The following NOTCH3 variants were observed in gnomAD, a reference collection of about 807,000 sequenced individuals.
NOTCH3 encodes neurogenic locus notch homolog protein 3.
In NOTCH3, 86 loss-of-function variants were observed where a neutral mutation model predicts 213.3. The observed-to-expected ratio is 0.40, with a 90% confidence interval of 0.34 to 0.48. The LOEUF is 0.48. NOTCH3 is among the 20% of genes least tolerant of loss of function. NOTCH3 has a pLI of 0.57. For missense variants in NOTCH3, 2,783 were observed against 3,272.6 expected (o/e 0.85, Z 3.65); for synonymous variants, 1,354 against 1,355.9 (o/e 1.00, Z 0.03).
intron 25 of NOTCH3, among the ~76,000 whole-genome samples, chr19:15,173,751 AAGGAGAAGGAGAAGGAGAAGG>A (rs1568351765): frequency 0.12 from 18,284 of 146,716 alleles, 2,239 homozygotes; most frequent in African/African-American, 0.27. Context: ...AGAAAAGAAG[AAGGAGAAGGAGAAGGAGAAGG>A]AGAAGGAGAA....
At position 15,180,396 on chromosome 19, in the gene NOTCH3, C is replaced by A. The variant is rs2046829542; in HGVS notation, c.3143-140G>T. On this transcript the variant is annotated intron_variant, in intron 19 of 32. Transcript: ENST00000263388. ...CACTCCATCAGGTTGTCACACATCC[C>A]CCCAGCAGGCAAGGTCTCATCACTG... is the stretch of plus-strand genomic sequence containing the variant. 4 of 988,566 alleles carry A rather than the reference C, an allele frequency of 4.0e-6. No individual in the cohort carries two copies. The Admixed American group carries it at 8.0e-5, about 20-fold the overall frequency. 61.2% of individuals were successfully genotyped at this position (988,566 alleles called of 1,614,324 possible).
intron 24 of NOTCH3, among the ~76,000 whole-genome samples, chr19:15,176,159 ATTT>A (rs34620350): frequency 4.2e-5 from 5 of 119,966 alleles, no homozygotes; most frequent in African/African-American, 1.0e-4. Context: ...AACAAAAGCA[ATTT>A]TTTTTTTTTT....
rs2145421559 is a variant in NOTCH3 at position 15,180,712 on chromosome 19, G to A, written c.3111C>T (p.Ser1037=). ...GGGCTGCGGCCTCCCTGCAGGGCAA[G>A]CTTCGGATGTCACAGAGGCGTCCGC... ...GWSGRLCDIR[S]LPCREAAAQI... Residue 1037 remains serine, a synonymous_variant, in exon 19 of 33, where the codon AGC becomes AGT. Coordinates refer to ENST00000263388, the MANE Select transcript of NOTCH3 (RefSeq NM_000435.3). 1.3e-6 allele frequency: 2 copies of A among 1,564,670 alleles called. No individual in the cohort carries two copies. The highest frequency in any genetic ancestry group is 8.7e-7 in the Non-Finnish European group (1 of 1,155,510).
chr19:15,166,181 G>A, intron 29 of NOTCH3, 90 bp from the exon 30 acceptor site: 1 of 1,157,124 alleles, frequency 8.6e-7, no homozygotes, highest in Middle Eastern at 2.0e-4. Flanking sequence ...GAGCTAATGG[G>A]ACACATGGAA....
chr19:15,163,270 T>A (rs984356119), intron 31 of NOTCH3, among the ~76,000 whole-genome samples: 3 of 152,190 alleles, frequency 2.0e-5, no homozygotes, highest in African/African-American at 7.2e-5. Context: ...GGGGAAAGAA[T>A]GGTCTTCTCA....
intron 1 of NOTCH3, among the ~76,000 whole-genome samples, chr19:15,199,489 GCTGT>G (rs1303024505): frequency 6.6e-5 from 10 of 152,250 alleles, no homozygotes; most frequent in South Asian, 4.1e-4. Context: ...TCATCTATGT[GCTGT>G]CTGAGTGTGT....
At chr19:15,195,353 TG>T (rs1482873998) in intron 2 of NOTCH3, among the ~76,000 whole-genome samples, 1 of 151,922 alleles carries the variant, frequency 6.6e-6, no homozygotes, top group African/African-American at 2.4e-5. Flanking sequence ...TGGGAGGGGT[TG>T]GTCTTAAGAC....
At chr19:15,192,837 C>T (rs1348832841) in intron 2 of NOTCH3, among the ~76,000 whole-genome samples, 2 of 152,100 alleles carry the variant, frequency 1.3e-5, no homozygotes, top group Non-Finnish European at 2.9e-5. Flanking sequence ...ATTGCTTGAA[C>T]TCGGGAGGTG....
In NOTCH3 at chr19:15,180,986, T is replaced by TG; in HGVS notation, c.2968_2969insC (p.Glu990AlafsTer45). The TG allele has an allele frequency of 6.3e-7, 1 of 1,596,428 alleles. No homozygotes were observed. The highest frequency in any genetic ancestry group is 8.5e-7 in the Non-Finnish European group (1 of 1,172,404). On this transcript the variant is annotated frameshift_variant, in exon 18 of 33. Transcript: ENST00000263388. LOFTEE classifies it high-confidence loss of function. ...CTGGCACTGCGGGCCCGTGAAGCTC[T>TG]CGAGGCAGGTGCAGCGGAAGCCAGG...
At chr19:15,189,680 G>C (rs1373073274) in intron 6 of NOTCH3, among the ~76,000 whole-genome samples, 1 of 152,040 alleles carries the variant, frequency 6.6e-6, no homozygotes, top group African/African-American at 2.4e-5. Context: ...ACCACGCCCG[G>C]CTAATTTTTT....
chr19:15,193,628 G>A (rs1009067945), intron 2 of NOTCH3, among the ~76,000 whole-genome samples: 2 of 151,494 alleles, frequency 1.3e-5, no homozygotes, highest in Admixed American at 6.6e-5. Flanking sequence ...AATTATAACC[G>A]GGCATGGTGG....
In NOTCH3 at chr19:15,200,951, C is replaced by G. The variant is rs972716066; in HGVS notation, c.-46G>C. 3.8e-5 allele frequency: 9 copies of G among 237,120 alleles called. No individual in the cohort carries two copies. The South Asian group carries it at 9.0e-4, about 24-fold the overall frequency. The allele number at this position is 237,120 out of a possible 1,614,324, so 14.7% of individuals were successfully genotyped here. On this transcript the variant is annotated 5_prime_UTR_variant, in exon 1 of 33. Transcript: ENST00000263388. Reference sequence around the variant, plus strand: ...CCCTCCTCCCTCCTTCCCTGGGCTCCGGGCGCGTCCCGGGCCAGCCTCCGC... The same window carrying G: ...CCCTCCTCCCTCCTTCCCTGGGCTCGGGGCGCGTCCCGGGCCAGCCTCCGC...
At chr19:15,187,809 G>A (rs866205862) in intron 10 of NOTCH3, 72 bp downstream of exon 10, 1 of 1,257,192 alleles carries the variant, frequency 8.0e-7, no homozygotes, top group South Asian at 1.3e-5. Flanking sequence ...CTCTCCCCAA[G>A]TCTGTTATTG....
intron 17 of NOTCH3, 55 bp downstream of exon 17, chr19:15,181,521 C>G: frequency 6.9e-7 from 1 of 1,459,442 alleles, no homozygotes; most frequent in Non-Finnish European, 9.4e-7. Context: ...CGTCCCAGGT[C>G]CCAGGCCCCA....
chr19:15,200,025 G>A (rs1467926675), intron 1 of NOTCH3, among the ~76,000 whole-genome samples: 1 of 141,698 alleles, frequency 7.1e-6, no homozygotes, highest in Non-Finnish European at 1.5e-5. Context: ...TGTCCCGAGC[G>A]GGGGAGGGGA....
chr19:15,192,653 G>A (rs2145444266), intron 2 of NOTCH3, 134 bp from the exon 3 acceptor site: 9 of 1,298,252 alleles, frequency 6.9e-6, no homozygotes, highest in Middle Eastern at 2.6e-4. Flanking sequence ...AGTGGCTCAC[G>A]CCTGTAATCC....
chr19:15,177,632 C>A lies in NOTCH3; in HGVS notation c.4296G>T (p.Gln1432His). Reference protein sequence around the residue: ...GDPWRQCEALQCWRLFNNSRC... With the variant: ...GDPWRQCEALHCWRLFNNSRC... Reference sequence around the variant, plus strand: ...GGCTGTTGTTGAAGAGGCGCCAGCACTGCAGCGCCTCGCATTGCCGCCAGG... The same window carrying A: ...GGCTGTTGTTGAAGAGGCGCCAGCAATGCAGCGCCTCGCATTGCCGCCAGG... The change falls in exon 24 of 33, where the codon CAG (glutamine) becomes CAT (histidine). Residue 1432 changes from glutamine to histidine, a missense_variant. By Grantham distance (24) the Gln-to-His change is conservative. Coordinates refer to ENST00000263388, the MANE Select transcript of NOTCH3 (RefSeq NM_000435.3). 1 of 1,577,892 alleles carries A rather than the reference C, an allele frequency of 6.3e-7. No individual in the cohort carries two copies. Among genetic ancestry groups the A allele is most frequent in the Non-Finnish European group, 8.6e-7 (1 of 1,166,484 alleles).
rs753654158 is a variant in NOTCH3, at chr19:15,160,704, C to T, written c.6924G>A (p.Gly2308=). 9 of 1,614,040 alleles carry T rather than the reference C, an allele frequency of 5.6e-6. No individual in the cohort carries two copies. Among genetic ancestry groups the T allele is most frequent in the South Asian group, 1.1e-5 (1 of 91,088 alleles). ...SSLAQAQTQL[G]PQPEVTPKRQ... The stretch of plus-strand genomic sequence containing the variant: ...TCTTGGGGGTAACTTCCGGCTGGGG[C>T]CCCAGCTGGGTCTGGGCCTGAGCAA... The change falls in exon 33 of 33, where the codon GGG becomes GGA. Residue 2308 remains glycine, a synonymous_variant. Coordinates refer to ENST00000263388, the MANE Select transcript of NOTCH3 (RefSeq NM_000435.3).
chr19:15,187,346 GC>G lies in NOTCH3; in HGVS notation c.1607-9del. ...ACAGCGTGCCCTCAAAGCCTGTGGG[GC>G]CAAGAGGGTCAGGCTCCGCCCACTT... On this transcript the variant is annotated splice_polypyrimidine_tract_variant and intron_variant, in intron 10 of 32. Transcript: ENST00000263388. The G allele has an allele frequency of 6.2e-7, 1 of 1,611,222 alleles. No individual in the cohort carries two copies. Among genetic ancestry groups the G allele is most frequent in the South Asian group, 1.1e-5 (1 of 91,016 alleles).
Sources: allele counts gnomAD v4.1 joint callset (sites outside exome capture counted in the v4.1 genomes callset), GRCh38; gene constraint gnomAD v4.1.1; transcripts MANE v1.5; gene names NCBI Gene and HGNC (gene_info 2026-07-23, HGNC 2026-07-21).